The following PPARGC1A variants were observed in gnomAD, a reference collection of about 807,000 sequenced individuals.
PPARGC1A encodes peroxisome proliferator-activated receptor gamma coactivator 1-alpha.
A neutral mutation model predicts 88.7 loss-of-function variants in PPARGC1A; 25 were observed. That is an observed-to-expected ratio of 0.28 (90% CI 0.21 to 0.39). The LOEUF (loss-of-function observed/expected upper bound fraction) is 0.39. Among genes scored for constraint, PPARGC1A ranks in the 10% least tolerant of loss-of-function variants. PPARGC1A has a pLI of 1.00. For missense variants in PPARGC1A, 880 were observed against 968.7 expected, an observed-to-expected ratio of 0.91 and a Z score of 1.22; for synonymous variants, 363 against 355.6, an observed-to-expected ratio of 1.02 and a Z score of -0.24.
chr4:24,016,950 A>G, the PPARGC1A span, among the ~76,000 whole-genome samples: 1 of 152,156 alleles, frequency 6.6e-6, no homozygotes, highest in East Asian at 1.9e-4. Context: ...TTAGTGGAGA[A>G]GAAAGGGGGT....
At chr4:24,123,024 T>C in the PPARGC1A span, among the ~76,000 whole-genome samples, 1 of 152,192 alleles carries the variant, frequency 6.6e-6, no homozygotes, top group African/African-American at 2.4e-5. Flanking sequence ...TGTGTGTGTG[T>C]GTGCATGTGT....
the PPARGC1A span, among the ~76,000 whole-genome samples, chr4:24,134,790 T>C: frequency 6.6e-6 from 1 of 152,202 alleles, no homozygotes; most frequent in Non-Finnish European, 1.5e-5. Context: ...ACAGGAAACA[T>C]GAAGTTGAAT....
the PPARGC1A span, among the ~76,000 whole-genome samples, chr4:24,369,594 G>T: frequency 6.6e-6 from 1 of 151,990 alleles, no homozygotes; most frequent in Non-Finnish European, 1.5e-5. Flanking sequence ...AATGCTCAGG[G>T]TCACACAGAG....
chr4:24,023,437 C>T, the PPARGC1A span, among the ~76,000 whole-genome samples: 2 of 152,316 alleles, frequency 1.3e-5, no homozygotes, highest in African/African-American at 2.4e-5. Flanking sequence ...TAGAGAAAGA[C>T]AGAGACCAGT....
the PPARGC1A span, among the ~76,000 whole-genome samples, chr4:23,963,283 T>C: frequency 1.3e-5 from 2 of 152,178 alleles, no homozygotes; most frequent in African/African-American, 4.8e-5. Flanking sequence ...CTTATTGCTA[T>C]TACCATGAAC....
At chr4:24,105,959 T>G in the PPARGC1A span, among the ~76,000 whole-genome samples, 1 of 152,196 alleles carries the variant, frequency 6.6e-6, no homozygotes, top group South Asian at 2.1e-4. Flanking sequence ...TAAAGGAATG[T>G]GCTCACAGCC....
At chr4:24,059,239 G>A in the PPARGC1A span, among the ~76,000 whole-genome samples, 1 of 152,136 alleles carries the variant, frequency 6.6e-6, no homozygotes, top group Admixed American at 6.5e-5. Flanking sequence ...GTGATGCTAT[G>A]CTGACCTTTT....
chr4:24,151,314 G>A, the PPARGC1A span, among the ~76,000 whole-genome samples: 1 of 152,188 alleles, frequency 6.6e-6, no homozygotes, highest in Non-Finnish European at 1.5e-5. Context: ...GGTTCCTGGT[G>A]AGGGCTCTCT....
the PPARGC1A span, among the ~76,000 whole-genome samples, chr4:24,140,469 C>A: frequency 6.6e-6 from 1 of 152,094 alleles, no homozygotes; most frequent in African/African-American, 2.4e-5. Context: ...ACATTGAAAA[C>A]TTTCTGAAAA....
chr4:24,439,748 C>G, the PPARGC1A span, among the ~76,000 whole-genome samples: 1 of 152,184 alleles, frequency 6.6e-6, no homozygotes, highest in Admixed American at 6.5e-5. Flanking sequence ...CTGATCTTTG[C>G]ACATCAAAAA....
At chr4:23,931,681 CT>C in the PPARGC1A span, among the ~76,000 whole-genome samples, 1 of 152,098 alleles carries the variant, frequency 6.6e-6, no homozygotes, top group African/African-American at 2.4e-5. Flanking sequence ...TCTCTCTAAG[CT>C]TTATTATCCT....
At chr4:23,795,952 A>C in intron 12 of PPARGC1A, 27 bp from the exon 13 acceptor site, 3 of 1,538,822 alleles carry the variant, frequency 1.9e-6, no homozygotes, top group Non-Finnish European at 2.7e-6. Context: ...GCCAGTTTAG[A>C]TACACACTTT....
the PPARGC1A span, among the ~76,000 whole-genome samples, chr4:24,319,587 G>A: frequency 1.3e-5 from 2 of 152,136 alleles, no homozygotes; most frequent in African/African-American, 2.4e-5. Flanking sequence ...GGTTGAACAC[G>A]GGCTTTTAAC....
At chr4:23,829,729 A>T in intron 3 of PPARGC1A, 144 bp from the exon 4 acceptor site, 2 of 723,160 alleles carry the variant, frequency 2.8e-6, no homozygotes, top group South Asian at 3.9e-5. Flanking sequence ...ACCTTAGCGC[A>T]ATAGTGCTAC....
At chr4:23,969,776 C>A in the PPARGC1A span, among the ~76,000 whole-genome samples, 18 of 152,178 alleles carry the variant, frequency 1.2e-4, no homozygotes, top group Admixed American at 9.8e-4. Context: ...TGAACCCACA[C>A]ACGTTGGGAG....
the PPARGC1A span, among the ~76,000 whole-genome samples, chr4:24,234,338 C>T: frequency 2.0e-5 from 3 of 152,324 alleles, no homozygotes; most frequent in Middle Eastern, 3.4e-3. Context: ...GTGGCTGCAT[C>T]TTTGGGTTTT....
At chr4:24,239,069 G>C in the PPARGC1A span, among the ~76,000 whole-genome samples, 78 of 152,246 alleles carry the variant, frequency 5.1e-4, no homozygotes, top group African/African-American at 1.8e-3. Context: ...AGTATAATAA[G>C]TTGGATATCA....
chr4:24,155,251 G>A, the PPARGC1A span, among the ~76,000 whole-genome samples: 1 of 151,854 alleles, frequency 6.6e-6, no homozygotes, highest in Non-Finnish European at 1.5e-5. Flanking sequence ...AAGATCTTAA[G>A]GTGCATTTGA....
chr4:23,816,295 T>C (rs886981201), intron 7 of PPARGC1A, among the ~76,000 whole-genome samples: 23 of 152,176 alleles, frequency 1.5e-4, no homozygotes, highest in Admixed American at 5.2e-4. Flanking sequence ...CCCTTCTCTT[T>C]GCTGTAGCAA....
Sources: gnomAD v4.1 joint callset for allele counts (sites outside exome capture counted in the v4.1 genomes callset) on GRCh38, gnomAD v4.1.1 for gene constraint, MANE v1.5 for transcripts, NCBI Gene and HGNC (gene_info 2026-07-23, HGNC 2026-07-21) for gene names.